Variants in RAD54L2 observed in about 807,000 individuals in gnomAD.
The protein encoded by RAD54L2 is helicase ARIP4.
Under a neutral mutation model 138.4 loss-of-function variants are expected in RAD54L2, and 27 were observed. That is an observed-to-expected ratio of 0.20 (90% CI 0.14 to 0.27). RAD54L2 has a LOEUF of 0.27. Among genes scored for constraint, RAD54L2 ranks in the 10% least tolerant of loss-of-function variants. The pLI is 1.00. For synonymous variants in RAD54L2, 644 were observed against 723.2 expected, an observed-to-expected ratio of 0.89 and a Z score of 1.76; for missense variants, 1,396 against 1,890.2, an observed-to-expected ratio of 0.74 and a Z score of 4.85.
At chr3:51,617,428 C>T (rs1315798602) in intron 3 of RAD54L2, among the ~76,000 whole-genome samples, 1 of 152,144 alleles carries the variant, frequency 6.6e-6, no homozygotes, top group African/African-American at 2.4e-5. Context: ...AATGTCATCT[C>T]ATATTTTAAA....
In RAD54L2 at chr3:51,630,921, A is replaced by C; in HGVS notation, c.815A>C (p.Lys272Thr). The stretch of plus-strand genomic sequence containing the variant: ...GCCCCACAGTTGGCACGGGCTGTGA[A>C]ACCTCATCAGGTACAGCAAACCTTG... ...FLAPQLARAV[K>T]PHQIGGIRFL... The change falls in exon 7 of 23, where the codon AAA (lysine) becomes ACA (threonine). Residue 272 changes from lysine to threonine, a missense_variant. Transcript: ENST00000684192. 6.2e-7 allele frequency: 1 copy of C among 1,611,156 alleles called. No homozygotes were observed. Among genetic ancestry groups the C allele is most frequent in the Non-Finnish European group, 8.5e-7 (1 of 1,177,810 alleles).
intron 19 of RAD54L2, among the ~76,000 whole-genome samples, chr3:51,654,287 G>T (rs2106842605): frequency 6.6e-6 from 1 of 152,274 alleles, no homozygotes; most frequent in South Asian, 2.1e-4. Context: ...GACCACAGGT[G>T]ATCCACCTGC....
intron 2 of RAD54L2, among the ~76,000 whole-genome samples, chr3:51,565,133 A>G (rs564904214): frequency 1.3e-5 from 2 of 152,356 alleles, no homozygotes; most frequent in South Asian, 2.1e-4. Flanking sequence ...TGTCAGGAAC[A>G]TACCATATAG....
intron 2 of RAD54L2, among the ~76,000 whole-genome samples, chr3:51,547,883 T>C (rs1286127941): frequency 6.6e-6 from 1 of 151,666 alleles, no homozygotes; most frequent in Non-Finnish European, 1.5e-5. Context: ...ATAAAATACT[T>C]TCTTTCTTTC....
At position 51,605,281 on chromosome 3, in the gene RAD54L2, G is replaced by A. The variant is rs1247526253; in HGVS notation, c.139+14722G>A. On this transcript the variant is annotated intron_variant, in intron 3 of 22. Transcript: ENST00000684192. Reference sequence around the variant, plus strand: ...ATTTTGTATTTTTAGTAGAGATGGGGTTTCACCATGTTAGCCAGGCTGGTC... The same window carrying A: ...ATTTTGTATTTTTAGTAGAGATGGGATTTCACCATGTTAGCCAGGCTGGTC... Among the ~76,000 whole-genome samples, 3 of 151,676 alleles carry A rather than the reference G, an allele frequency of 2.0e-5. No individual in the cohort carries two copies. The East Asian group carries it at 5.8e-4, about 29-fold the overall frequency.
chr3:51,617,586 A>G (rs550169650), intron 3 of RAD54L2, among the ~76,000 whole-genome samples: 4 of 152,300 alleles, frequency 2.6e-5, no homozygotes, highest in African/African-American at 7.2e-5. Context: ...TTTTAGAAAT[A>G]TATTCTAGGC....
intron 20 of RAD54L2, among the ~76,000 whole-genome samples, chr3:51,656,743 A>G (rs1036192978): frequency 8.6e-5 from 13 of 152,014 alleles, no homozygotes; most frequent in African/African-American, 3.1e-4. Context: ...TATAATATAT[A>G]AATTGATTAT....
chr3:51,652,745 G>A (rs572271950), intron 19 of RAD54L2, among the ~76,000 whole-genome samples: 116 of 152,234 alleles, frequency 7.6e-4, no homozygotes, highest in African/African-American at 2.7e-3. Flanking sequence ...GCTGAAACTG[G>A]ATCCCTTCCT....
chr3:51,662,515 C>T lies in RAD54L2; in HGVS notation c.3499C>T (p.Pro1167Ser). 1 of 1,612,926 alleles carries T rather than the reference C, an allele frequency of 6.2e-7. No individual in the cohort carries two copies. Among genetic ancestry groups the T allele is most frequent in the Non-Finnish European group, 8.5e-7 (1 of 1,179,324 alleles). ...KAPDPEGLAR[P>S]VSPDSPEIIS... Reference sequence around the variant, plus strand: ...CCCCGACCCTGAGGGGCTGGCCAGGCCCGTCTCTCCTGACAGCCCAGAGAT... The same window carrying T: ...CCCCGACCCTGAGGGGCTGGCCAGGTCCGTCTCTCCTGACAGCCCAGAGAT... The change falls in exon 23 of 23, where the codon CCC (proline) becomes TCC (serine). Residue 1167 changes from proline to serine, a missense_variant. Pro to Ser is a moderately conservative substitution (Grantham distance 74, BLOSUM62 -1). Around this residue, in one of 7 missense-constraint regions of RAD54L2, gnomAD observed 634 missense variants for 711.2 expected, o/e 0.89. Transcript: ENST00000684192. This position sits in a 1 kb window ranked among gnomAD's most constrained non-coding sequence, Gnocchi z 4.6.
In RAD54L2 at chr3:51,566,466, GTTTTTTTTTTT is replaced by G. The variant is rs71084149; in HGVS notation, c.-54-23881_-54-23871del. ...TGAATTTTATCACAGCCTTTTCTGCGTTTTTTTTTTTTTTTTTTTTTTTTTTTTTTAATGAC... is the reference window on the plus strand; with the variant it reads ...TGAATTTTATCACAGCCTTTTCTGCGTTTTTTTTTTTTTTTTTTTAATGAC... On this transcript the variant is annotated intron_variant, in intron 2 of 22. Coordinates refer to ENST00000684192, the MANE Select transcript of RAD54L2 (RefSeq NM_015106.4). 6.3e-4 allele frequency among the ~76,000 whole-genome samples: 20 copies of G among 31,532 alleles called. No individual in the cohort carries two copies. The East Asian group carries it at 7.1e-3, about 11-fold the overall frequency. 20.7% of individuals were successfully genotyped at this position (31,532 alleles called of 152,430 possible). A position where few individuals can be genotyped will look rare whatever the true frequency, so the allele number is the denominator to read the frequency against.
intron 7 of RAD54L2, 91 bp from the exon 8 acceptor site, chr3:51,633,486 C>A: frequency 7.7e-7 from 1 of 1,295,800 alleles, no homozygotes; most frequent in Non-Finnish European, 1.1e-6. Flanking sequence ...CGCCTTCTCA[C>A]TTACTTAATT....
At chr3:51,632,726 T>C (rs1280819025) in intron 7 of RAD54L2, among the ~76,000 whole-genome samples, 1 of 151,228 alleles carries the variant, frequency 6.6e-6, no homozygotes, top group Non-Finnish European at 1.5e-5. Context: ...ACCCCGTCTC[T>C]ACTAAAAATA....
At chr3:51,554,415 A>G (rs1698914814) in intron 2 of RAD54L2, among the ~76,000 whole-genome samples, 1 of 151,700 alleles carries the variant, frequency 6.6e-6, no homozygotes, top group Non-Finnish European at 1.5e-5. Context: ...GTGTAATCCC[A>G]GCTATTCGGG....
chr3:51,545,465 C>T lies in RAD54L2; in HGVS notation c.-55+3815C>T, dbSNP rs547112507. On this transcript the variant is annotated intron_variant, in intron 2 of 22. Coordinates refer to ENST00000684192, the MANE Select transcript of RAD54L2 (RefSeq NM_015106.4). ...TCTGCTTCCCAAAGTGCTGGGATTA[C>T]AGGCGTGAGCCATGATGCCTGGCCA... Among the ~76,000 whole-genome samples, 23 of 152,316 alleles carry T rather than the reference C, an allele frequency of 1.5e-4. No individual in the cohort carries two copies. In the South Asian group the frequency reaches 3.5e-3, roughly 23 times the overall value.
intron 2 of RAD54L2, among the ~76,000 whole-genome samples, chr3:51,545,253 G>A (rs906891555): frequency 6.6e-6 from 1 of 151,840 alleles, no homozygotes; most frequent in East Asian, 1.9e-4. Flanking sequence ...GTGCAGTGGT[G>A]TGATCTCAGC....
chr3:51,550,870 A>G (rs1298956018), intron 2 of RAD54L2, among the ~76,000 whole-genome samples: 3 of 152,044 alleles, frequency 2.0e-5, no homozygotes, highest in Non-Finnish European at 4.4e-5. Flanking sequence ...AACATGGTGA[A>G]ACCCTGTGCT....
intron 2 of RAD54L2, among the ~76,000 whole-genome samples, chr3:51,562,884 C>T (rs1203538859): frequency 6.6e-6 from 1 of 152,182 alleles, no homozygotes; most frequent in Non-Finnish European, 1.5e-5. Flanking sequence ...AAGCCATTCT[C>T]CCACCTCAGC....
chr3:51,548,750 A>T (rs1553672881), intron 2 of RAD54L2, among the ~76,000 whole-genome samples: 1 of 151,668 alleles, frequency 6.6e-6, no homozygotes, highest in Non-Finnish European at 1.5e-5. Context: ...CCAATAGAGG[A>T]TACACACAAG....
chr3:51,610,876 G>A (rs982459975), intron 3 of RAD54L2, among the ~76,000 whole-genome samples: 1 of 152,144 alleles, frequency 6.6e-6, no homozygotes, highest in African/African-American at 2.4e-5. Flanking sequence ...CAACACATCA[G>A]GCAACTGCAG....
Sources: gnomAD v4.1 joint callset for allele counts (sites outside exome capture counted in the v4.1 genomes callset) on GRCh38, gnomAD v4.1.1 for gene constraint, gnomAD v4.1.1 regional missense constraint, Gnocchi (gnomAD v3.1) non-coding constraint, MANE v1.5 for transcripts, NCBI Gene and HGNC (gene_info 2026-07-23, HGNC 2026-07-21) for gene names.